The following FBLN7 variants were observed in gnomAD, a reference collection of about 807,000 sequenced individuals.
The protein encoded by FBLN7 is fibulin 7.
Under a neutral mutation model 44.0 loss-of-function variants are expected in FBLN7, and 31 were observed. That is an observed-to-expected ratio of 0.70 (90% confidence interval 0.53 to 0.95). The LOEUF (loss-of-function observed/expected upper bound fraction) is 0.95, where lower values mean the gene tolerates loss of function less well. FBLN7 is among the 40% of genes least tolerant of loss of function. The pLI, the probability that FBLN7 is intolerant of heterozygous loss-of-function variation, is 0.00. For missense variants in FBLN7, 573 were observed against 618.5 expected (o/e 0.93, Z 0.78); for synonymous variants, 262 against 253.4 (o/e 1.03, Z -0.32).
At chr2:112,239,269 G>A in the FBLN7 span, among the ~76,000 whole-genome samples, 2 of 152,156 alleles carry the variant, frequency 1.3e-5, no homozygotes, top group African/African-American at 4.8e-5. Flanking sequence ...GGTTACATGT[G>A]TTTCTACACT....
chr2:112,200,422 C>T, the FBLN7 span, among the ~76,000 whole-genome samples: 3 of 152,150 alleles, frequency 2.0e-5, no homozygotes, highest in African/African-American at 7.2e-5. Flanking sequence ...TGGCCATTCT[C>T]CTTCATTTCT....
chr2:112,188,546 G>C (rs1683378537), downstream of FBLN7: 1 of 152,168 alleles, frequency 6.6e-6, no homozygotes, highest in South Asian at 2.1e-4. Flanking sequence ...GGTAGGATGG[G>C]GTATGGGGTA....
intron 1 of FBLN7, among the ~76,000 whole-genome samples, chr2:112,157,235 C>G (rs6755341): frequency 1.3e-5 from 2 of 151,750 alleles, no homozygotes; most frequent in Non-Finnish European, 2.9e-5. Context: ...CGGGGCATGG[C>G]GGTGGGCACC....
the FBLN7 span, among the ~76,000 whole-genome samples, chr2:112,196,757 G>A: frequency 1.4e-4 from 22 of 152,258 alleles, no homozygotes; most frequent in African/African-American, 5.3e-4. Context: ...GTTTATGTCT[G>A]TATTAGTCCG....
the FBLN7 span, among the ~76,000 whole-genome samples, chr2:112,225,359 T>G: frequency 6.6e-6 from 1 of 152,230 alleles, no homozygotes; most frequent in Non-Finnish European, 1.5e-5. Context: ...ACACCTGCAG[T>G]CCCAGCTACT....
intron 1 of FBLN7, among the ~76,000 whole-genome samples, chr2:112,142,650 G>A (rs968687819): frequency 1.3e-5 from 2 of 152,154 alleles, no homozygotes; most frequent in South Asian, 2.1e-4. Context: ...TGGAGACTGC[G>A]GTGCTCCTCA....
At chr2:112,181,267 C>T (rs1682977686) in intron 4 of FBLN7, among the ~76,000 whole-genome samples, 1 of 151,996 alleles carries the variant, frequency 6.6e-6, no homozygotes, top group Non-Finnish European at 1.5e-5. Flanking sequence ...TACAATAACC[C>T]CCTGTGACAC....
At chr2:112,180,018 A>G (rs1682906564) in intron 4 of FBLN7, among the ~76,000 whole-genome samples, 1 of 152,256 alleles carries the variant, frequency 6.6e-6, no homozygotes. Context: ...GAGCTTCTGC[A>G]TAGCAAAAGA....
At chr2:112,140,367 G>T (rs1241645142) in intron 1 of FBLN7, among the ~76,000 whole-genome samples, 3 of 152,170 alleles carry the variant, frequency 2.0e-5, no homozygotes, top group South Asian at 2.1e-4. Flanking sequence ...TGTCCCGCGC[G>T]CAGGGGAGGC....
intron 4 of FBLN7, among the ~76,000 whole-genome samples, 186 bp from the exon 5 acceptor site, chr2:112,181,553 C>A (rs1053063231): frequency 6.6e-6 from 1 of 152,192 alleles, no homozygotes; most frequent in African/African-American, 2.4e-5. Flanking sequence ...GCGCCCCCTT[C>A]GCGTAGGCCC....
intron 1 of FBLN7, among the ~76,000 whole-genome samples, chr2:112,158,338 G>C (rs1178575417): frequency 1.3e-5 from 2 of 152,096 alleles, no homozygotes; most frequent in African/African-American, 4.8e-5. Flanking sequence ...TCCCTCCCAG[G>C]CTCAGGCAAT....
At chr2:112,232,996 T>C in the FBLN7 span, among the ~76,000 whole-genome samples, 2 of 152,218 alleles carry the variant, frequency 1.3e-5, no homozygotes, top group Non-Finnish European at 1.5e-5. Flanking sequence ...GTGATAAGTC[T>C]TTCTGGGATT....
At chr2:112,194,504 G>A in the FBLN7 span, among the ~76,000 whole-genome samples, 1 of 152,150 alleles carries the variant, frequency 6.6e-6, no homozygotes, top group African/African-American at 2.4e-5. Context: ...ACTAGCATGA[G>A]TGTTCCAGGG....
At chr2:112,184,344 G>A (rs1683143553) in intron 6 of FBLN7, among the ~76,000 whole-genome samples, 1 of 152,184 alleles carries the variant, frequency 6.6e-6, no homozygotes, top group South Asian at 2.1e-4. Flanking sequence ...GCTCCCCGGT[G>A]ACATCCCATT....
rs183195542 is a variant in FBLN7 at position 112,141,429 on chromosome 2, C to G, written c.75+2699C>G. On this transcript the variant is annotated intron_variant, in intron 1 of 7. Coordinates refer to ENST00000331203, the MANE Select transcript of FBLN7 (RefSeq NM_153214.3). The stretch of plus-strand genomic sequence containing the variant: ...GCATGCCCATGGCCACCTAGAGGCC[C>G]CTACGGTGCAGGAAGGGATTCCAGG... 2.0e-5 allele frequency among the ~76,000 whole-genome samples: 3 copies of G among 152,290 alleles called. No individual in the cohort carries two copies. The East Asian group carries it at 5.8e-4, about 29-fold the overall frequency.
rs765787942 is a variant in FBLN7, at chr2:112,165,025, C to T, written c.260C>T (p.Pro87Leu). Residue 87 changes from proline (P) to leucine (L), a missense_variant, in exon 3 of 8, where the codon CCC (proline) becomes CTC (leucine). Transcript: ENST00000331203. ...GTTTCCTGCCCGGCTCTGAACACCC[C>T]CGCAGACGGCAGAAAGTTTGGAAGC... ...LPVSCPALNT[P>L]ADGRKFGSKY... 6.2e-7 allele frequency: 1 copy of T among 1,614,182 alleles called. No individual in the cohort carries two copies. Among genetic ancestry groups the T allele is most frequent in the East Asian group, 2.2e-5 (1 of 44,878 alleles).
At chr2:112,240,248 C>T in the FBLN7 span, 1 of 152,194 alleles carries the variant, frequency 6.6e-6, no homozygotes, top group Admixed American at 6.5e-5. Context: ...CCAATTACAT[C>T]CATTCATTTA....
At chr2:112,144,926 T>G (rs1313978995) in intron 1 of FBLN7, among the ~76,000 whole-genome samples, 1 of 152,246 alleles carries the variant, frequency 6.6e-6, no homozygotes, top group East Asian at 1.9e-4. Flanking sequence ...AAAATATGCT[T>G]TTCATGTGAA....
At chr2:112,229,731 T>C in the FBLN7 span, among the ~76,000 whole-genome samples, 6 of 152,280 alleles carry the variant, frequency 3.9e-5, no homozygotes, top group Admixed American at 1.3e-4. Context: ...TAGTTGTTTT[T>C]GCTAAGCACC....
Sources: gnomAD v4.1 joint callset for allele counts (sites outside exome capture counted in the v4.1 genomes callset) on GRCh38, gnomAD v4.1.1 for gene constraint, MANE v1.5 for transcripts, NCBI Gene and HGNC (gene_info 2026-07-23, HGNC 2026-07-21) for gene names.